The following PARD3 variants were observed in gnomAD, a reference collection of about 807,000 sequenced individuals.
PARD3 encodes the protein par-3 family cell polarity regulator.
PARD3 carries 75 observed loss-of-function variants against 155.4 expected under a neutral mutation model. That is an observed-to-expected ratio of 0.48 (90% CI 0.40 to 0.58). PARD3 has a LOEUF of 0.58. Ranked by LOEUF, PARD3 falls within the 20% of genes least tolerant of loss-of-function variation. The probability of loss-of-function intolerance (pLI) is 0.00; values close to 1 mark genes in which losing one functional copy is unlikely to be tolerated. For synonymous variants in PARD3, 576 were observed against 610.5 expected, an observed-to-expected ratio of 0.94 and a Z score of 0.83; for missense variants, 1,642 against 1,721.7, an observed-to-expected ratio of 0.95 and a Z score of 0.82.
chr10:34,587,419 T>C (rs969293680), intron 2 of PARD3, among the ~76,000 whole-genome samples: 2 of 152,142 alleles, frequency 1.3e-5, no homozygotes, highest in African/African-American at 2.4e-5. Context: ...AGTTTTATAA[T>C]CTTGTATTAT....
chr10:34,324,635 C>T (rs1015597204), intron 19 of PARD3, among the ~76,000 whole-genome samples: 5 of 151,994 alleles, frequency 3.3e-5, no homozygotes, highest in South Asian at 2.1e-4. Context: ...AACGAGGGTC[C>T]GGCCTAGACT....
chr10:34,250,218 A>G (rs1429753352), intron 22 of PARD3, among the ~76,000 whole-genome samples: 3 of 152,152 alleles, frequency 2.0e-5, no homozygotes, highest in Non-Finnish European at 4.4e-5. Context: ...AAAAAAGAAA[A>G]AAAAAGTTGG....
intron 2 of PARD3, among the ~76,000 whole-genome samples, chr10:34,666,217 CA>C (rs72060788): frequency 3.7e-4 from 44 of 119,680 alleles, no homozygotes; most frequent in Admixed American, 2.6e-4. Flanking sequence ...AAGATCTTAT[CA>C]AAAAAAAAAA....
intron 1 of PARD3, among the ~76,000 whole-genome samples, chr10:34,769,198 T>C (rs1838516150): frequency 6.6e-6 from 1 of 152,190 alleles, no homozygotes; most frequent in Non-Finnish European, 1.5e-5. Context: ...CCCCAGGGCT[T>C]CTAGGATGCT....
At chr10:34,423,564 T>C (rs1464562906) in intron 5 of PARD3, among the ~76,000 whole-genome samples, 1 of 152,190 alleles carries the variant, frequency 6.6e-6, no homozygotes, top group African/African-American at 2.4e-5. Context: ...AATCAAGTCG[T>C]GCACAATATA....
intron 22 of PARD3, among the ~76,000 whole-genome samples, chr10:34,222,079 C>T (rs540383102): frequency 2.6e-5 from 4 of 152,260 alleles, no homozygotes; most frequent in Admixed American, 6.5e-5. Flanking sequence ...AAAATTCATG[C>T]TAATGATTTA....
chr10:34,446,524 A>G (rs189938177), intron 5 of PARD3, among the ~76,000 whole-genome samples: 40 of 152,334 alleles, frequency 2.6e-4, no homozygotes, highest in Non-Finnish European at 2.8e-4. Flanking sequence ...TATGGTAAAC[A>G]GCTAGTAACC....
chr10:34,386,243 G>A (rs979054587), intron 7 of PARD3, among the ~76,000 whole-genome samples: 1 of 152,066 alleles, frequency 6.6e-6, no homozygotes, highest in African/African-American at 2.4e-5. Context: ...TTAGTGACTA[G>A]TAAAAACAAT....
At chr10:34,274,467 C>T (rs1169904336) in intron 21 of PARD3, among the ~76,000 whole-genome samples, 1 of 152,118 alleles carries the variant, frequency 6.6e-6, no homozygotes, top group Non-Finnish European at 1.5e-5. Flanking sequence ...AAAATGAGTT[C>T]TTTCTTACAT....
At chr10:34,548,671 T>C (rs2084301971) in intron 2 of PARD3, among the ~76,000 whole-genome samples, 5 of 152,114 alleles carry the variant, frequency 3.3e-5, no homozygotes, top group Admixed American at 2.6e-4. Flanking sequence ...TCCTTGACAT[T>C]CCACTCTCTT....
intron 1 of PARD3, among the ~76,000 whole-genome samples, chr10:34,705,600 A>C (rs1382872860): frequency 1.3e-5 from 2 of 152,180 alleles, no homozygotes; most frequent in Non-Finnish European, 2.9e-5. Context: ...TTGCCTTCTC[A>C]ATACAGGGAG....
intron 2 of PARD3, among the ~76,000 whole-genome samples, chr10:34,630,571 C>T (rs1487867699): frequency 2.0e-5 from 3 of 151,748 alleles, no homozygotes; most frequent in African/African-American, 7.3e-5. Context: ...ACCTCAACCT[C>T]CTGGAGTAAC....
intron 2 of PARD3, among the ~76,000 whole-genome samples, chr10:34,669,633 A>G (rs935817863): frequency 1.2e-4 from 19 of 152,262 alleles, no homozygotes; most frequent in African/African-American, 3.9e-4. Context: ...TACCTTACCT[A>G]CTAACAAAAT....
intron 1 of PARD3, among the ~76,000 whole-genome samples, chr10:34,786,666 T>G (rs1393043446): frequency 6.9e-6 from 1 of 145,820 alleles, no homozygotes; most frequent in African/African-American, 2.6e-5. Context: ...GGGACAGATC[T>G]CCATGAGATC....
chr10:34,682,846 G>A (rs1036241472), intron 2 of PARD3, among the ~76,000 whole-genome samples: 7 of 152,092 alleles, frequency 4.6e-5, no homozygotes, highest in South Asian at 2.1e-4. Flanking sequence ...CTCCAGCCTC[G>A]GTGACAGAGC....
At chr10:34,732,411 T>C (rs770565475) in intron 1 of PARD3, among the ~76,000 whole-genome samples, 4 of 152,146 alleles carry the variant, frequency 2.6e-5, no homozygotes, top group Non-Finnish European at 5.9e-5. Context: ...TTAAAATACA[T>C]ACAGGCCAGG....
chr10:34,777,003 A>ATTTTTTTTTTTT (rs758917237), intron 1 of PARD3, among the ~76,000 whole-genome samples: 76 of 122,380 alleles, frequency 6.2e-4, no homozygotes, highest in African/African-American at 2.4e-3. Flanking sequence ...TGTCTGGCTA[A>ATTTTTTTTTTTT]TTTTTTTTTT....
At chr10:34,166,960 C>A (rs1949558479) in intron 22 of PARD3, among the ~76,000 whole-genome samples, 1 of 152,170 alleles carries the variant, frequency 6.6e-6, no homozygotes, top group African/African-American at 2.4e-5. Flanking sequence ...ACAAAACTAT[C>A]ACACTAGTGA....
intron 22 of PARD3, among the ~76,000 whole-genome samples, chr10:34,184,971 A>G (rs1170451371): frequency 6.6e-6 from 1 of 152,110 alleles, no homozygotes; most frequent in African/African-American, 2.4e-5. Context: ...GTGCTGCTTC[A>G]GTTGCACAGA....
Sources: allele counts gnomAD v4.1 joint callset (sites outside exome capture counted in the v4.1 genomes callset), GRCh38; gene constraint gnomAD v4.1.1; transcripts MANE v1.5; gene names NCBI Gene and HGNC (gene_info 2026-07-23, HGNC 2026-07-21).